The following CX3CR1 variants were observed in gnomAD, a reference collection of about 807,000 sequenced individuals.
CX3CR1 encodes the protein CX3C chemokine receptor 1.
For missense variants in CX3CR1, 363 were observed against 432.4 expected (o/e 0.84, Z 1.42); for synonymous variants, 168 against 178.5 (o/e 0.94, Z 0.47).
chr3:39,269,355 A>AC (rs1417008824), intron 1 of CX3CR1, among the ~76,000 whole-genome samples: 1 of 152,158 alleles, frequency 6.6e-6, no homozygotes, highest in African/African-American at 2.4e-5. Flanking sequence ...TGCCACGTGC[A>AC]CAGGGGCATC....
intron 1 of CX3CR1, among the ~76,000 whole-genome samples, chr3:39,277,287 G>A (rs2040850419): frequency 1.3e-5 from 2 of 152,206 alleles, no homozygotes; most frequent in African/African-American, 4.8e-5. Flanking sequence ...AGCCCCTCAA[G>A]AGGGCAGGTG....
At chr3:39,292,419 T>C in the CX3CR1 span, among the ~76,000 whole-genome samples, 1 of 152,154 alleles carries the variant, frequency 6.6e-6, no homozygotes. Context: ...CTTCTGACTT[T>C]GTAAAGGGCC....
At chr3:39,281,460 C>T, upstream of CX3CR1, 1 of 789,812 alleles carries the variant, frequency 1.3e-6, no homozygotes, top group Non-Finnish European at 2.0e-6. Flanking sequence ...CTCTTCCTGT[C>T]CCACACTCTT....
chr3:39,269,770 G>A (rs1015396646), intron 1 of CX3CR1, among the ~76,000 whole-genome samples: 2 of 152,188 alleles, frequency 1.3e-5, no homozygotes, highest in African/African-American at 4.8e-5. Flanking sequence ...GAATTGCTGT[G>A]GCTCCCACAG....
chr3:39,279,699 T>C (rs1436500936), intron 1 of CX3CR1, among the ~76,000 whole-genome samples: 2 of 152,236 alleles, frequency 1.3e-5, no homozygotes, highest in African/African-American at 4.8e-5. Flanking sequence ...TAGTTTAAAA[T>C]CATGAGCTTT....
chr3:39,267,709 T>G (rs548095312), intron 1 of CX3CR1, among the ~76,000 whole-genome samples: 194 of 152,348 alleles, frequency 1.3e-3, no homozygotes, highest in African/African-American at 4.5e-3. Context: ...TCCGTTAGTC[T>G]GCTGGGCTAG....
chr3:39,283,843 T>TA (rs1351970787), upstream of CX3CR1, among the ~76,000 whole-genome samples: 743 of 73,676 alleles, frequency 0.01, 1 homozygote, highest in Non-Finnish European at 0.013. Context: ...ATATATATAA[T>TA]GTGGTTAATA....
upstream of CX3CR1, chr3:39,281,864 C>T (rs2040904527): frequency 5.0e-6 from 3 of 597,870 alleles, no homozygotes; most frequent in South Asian, 3.9e-5. Context: ...TCTTTTAAAG[C>T]TAACGGCTAT....
At chr3:39,281,571 A>T, upstream of CX3CR1, 1 of 1,565,802 alleles carries the variant, frequency 6.4e-7, no homozygotes, top group East Asian at 2.2e-5. Flanking sequence ...AAGCCCATCT[A>T]ACCTTCTCCG....
upstream of CX3CR1, chr3:39,286,214 T>TA (rs751439379): frequency 5.3e-5 from 8 of 152,276 alleles, no homozygotes; most frequent in Non-Finnish European, 7.3e-5. Context: ...AAGGGGCTTA[T>TA]AGTACAGTGC....
At chr3:39,267,167 A>G (rs1226072728) in intron 1 of CX3CR1, among the ~76,000 whole-genome samples, 1 of 149,330 alleles carries the variant, frequency 6.7e-6, no homozygotes. Context: ...AGTTTGACCA[A>G]TGTGTGGATG....
At chr3:39,283,798 TATA>T (rs1559371949), upstream of CX3CR1, among the ~76,000 whole-genome samples, 1,047 of 28,654 alleles carry the variant, frequency 0.037, 9 homozygotes, top group Non-Finnish European at 0.058. Flanking sequence ...AAAAAAATTA[TATA>T]TATATATATA....
intron 1 of CX3CR1, among the ~76,000 whole-genome samples, chr3:39,268,936 C>T (rs56064459): frequency 0.011 from 1,708 of 152,306 alleles, 24 homozygotes; most frequent in African/African-American, 0.037. Flanking sequence ...TGGAAACATC[C>T]AGGCTGCCTG....
At chr3:39,281,850 A>ACC (rs769089223), upstream of CX3CR1, 33 of 618,876 alleles carry the variant, frequency 5.3e-5, no homozygotes, top group Non-Finnish European at 9.2e-5. Flanking sequence ...ACGTGATTTT[A>ACC]CCCTCTTTTA....
chr3:39,279,018 G>A (rs2040869648), intron 1 of CX3CR1, among the ~76,000 whole-genome samples: 1 of 152,036 alleles, frequency 6.6e-6, no homozygotes, highest in South Asian at 2.1e-4. Flanking sequence ...AAATTAGCCG[G>A]GCGGTGGTAC....
At position 39,263,675 on chromosome 3, in the gene CX3CR1, C is replaced by T. The variant is rs2040652150; in HGVS notation, c.*1767G>A. On this transcript the variant is annotated 3_prime_UTR_variant, in exon 2 of 2. Coordinates refer to ENST00000399220, the MANE Select transcript of CX3CR1 (RefSeq NM_001337.4). ...AGATACACAGCAATTTAACAGTTAC[C>T]ACATCTGACTTCAATGAATACACAG... 1 of 152,172 alleles carries T rather than the reference C, an allele frequency of 6.6e-6. No individual in the cohort carries two copies. The highest frequency in any genetic ancestry group is 1.5e-5 in the Non-Finnish European group (1 of 68,028). 9.4% of individuals were successfully genotyped at this position (152,172 alleles called of 1,614,324 possible). A position where few individuals can be genotyped will look rare whatever the true frequency, so the allele number is the denominator to read the frequency against.
upstream of CX3CR1, among the ~76,000 whole-genome samples, chr3:39,280,890 C>G (rs535624065): frequency 6.6e-6 from 1 of 152,240 alleles, no homozygotes; most frequent in Admixed American, 6.5e-5. Context: ...CCTGCCTGAC[C>G]CCTGGCATAT....
chr3:39,263,679 T>C lies in CX3CR1; in HGVS notation c.*1763A>G, dbSNP rs2040652214. The C allele has an allele frequency of 6.6e-6, 1 of 152,238 alleles. No individual in the cohort carries two copies. The highest frequency in any genetic ancestry group is 1.5e-5 in the Non-Finnish European group (1 of 68,046). The allele number at this position is 152,238 out of a possible 1,614,324, so 9.4% of individuals were successfully genotyped here. A position where few individuals can be genotyped will look rare whatever the true frequency, so the allele number is the denominator to read the frequency against. ...ACACAGCAATTTAACAGTTACCACA[T>C]CTGACTTCAATGAATACACAGTCTG... On this transcript the variant is annotated 3_prime_UTR_variant, in exon 2 of 2. Transcript: ENST00000399220.
intron 1 of CX3CR1, among the ~76,000 whole-genome samples, chr3:39,277,649 C>G (rs538672776): frequency 1.3e-5 from 2 of 152,282 alleles, no homozygotes; most frequent in East Asian, 3.9e-4. Context: ...GGGTCTCTGG[C>G]TAGGGAGAAC....
Sources: gnomAD v4.1 joint callset for allele counts (sites outside exome capture counted in the v4.1 genomes callset) on GRCh38, gnomAD v4.1.1 for gene constraint, MANE v1.5 for transcripts, NCBI Gene and HGNC (gene_info 2026-07-23, HGNC 2026-07-21) for gene names.